Variants in UBE2U observed in about 807,000 individuals in gnomAD.
UBE2U encodes ubiquitin-conjugating enzyme E2 U.
In UBE2U, 39 loss-of-function variants were observed where a neutral mutation model predicts 41.2. The ratio of observed to expected loss-of-function variants is 0.95; its 90% CI spans 0.73 to 1.24. The LOEUF is 1.24. Among genes scored for constraint, UBE2U ranks in the 50% most tolerant of loss-of-function variants. The probability of loss-of-function intolerance (pLI) is 0.00; values close to 1 mark genes in which losing one functional copy is unlikely to be tolerated. For missense variants in UBE2U, 336 were observed against 363.1 expected (o/e 0.93, Z 0.61); for synonymous variants, 107 against 117.8 (o/e 0.91, Z 0.60).
chr1:64,248,825 T>G (rs758657918), intron 8 of UBE2U, among the ~76,000 whole-genome samples: 1 of 152,114 alleles, frequency 6.6e-6, no homozygotes, highest in African/African-American at 2.4e-5. Flanking sequence ...ATCCTAACGG[T>G]TTTTTTAAAC....
intron 6 of UBE2U, among the ~76,000 whole-genome samples, chr1:64,230,494 T>C (rs570357889): frequency 1.8e-4 from 27 of 152,322 alleles, no homozygotes; most frequent in Admixed American, 1.7e-3. Context: ...TGTTCTATAA[T>C]TTCTTCCCCC....
At chr1:64,239,174 A>AGAG (rs1557731347) in intron 7 of UBE2U, among the ~76,000 whole-genome samples, 5 of 94,490 alleles carry the variant, frequency 5.3e-5, no homozygotes, top group Admixed American at 1.1e-4. Context: ...AAGAAGAAGA[A>AGAG]GAAGAAGAAG....
intron 9 of UBE2U, among the ~76,000 whole-genome samples, chr1:64,264,906 C>T (rs925003800): frequency 7.9e-5 from 12 of 151,902 alleles, no homozygotes; most frequent in African/African-American, 1.5e-4. Context: ...GCTGAAAGCA[C>T]GCCACCGCAC....
intron 6 of UBE2U, among the ~76,000 whole-genome samples, chr1:64,226,388 T>C (rs1652867795): frequency 6.6e-6 from 1 of 152,174 alleles, no homozygotes. Flanking sequence ...GAAGGGGCAG[T>C]AGGAAACTTT....
chr1:64,230,947 G>A (rs1045490290), intron 6 of UBE2U, among the ~76,000 whole-genome samples: 2 of 152,042 alleles, frequency 1.3e-5, no homozygotes, highest in Admixed American at 1.3e-4. Context: ...TTTTTATGCT[G>A]CATGTATCCC....
intron 7 of UBE2U, among the ~76,000 whole-genome samples, chr1:64,239,036 C>T (rs1417882804): frequency 7.9e-6 from 1 of 127,004 alleles, no homozygotes; most frequent in East Asian, 2.5e-4. Context: ...AGTGAGACCC[C>T]CATCTCAAAA....
chr1:64,233,169 A>G (rs1218614755), intron 7 of UBE2U, among the ~76,000 whole-genome samples: 2 of 151,790 alleles, frequency 1.3e-5, no homozygotes, highest in African/African-American at 4.8e-5. Flanking sequence ...CACCACGCCC[A>G]GCTAATTTTT....
intron 5 of UBE2U, among the ~76,000 whole-genome samples, chr1:64,219,701 T>G (rs1652292905): frequency 1.3e-5 from 2 of 152,008 alleles, no homozygotes; most frequent in South Asian, 4.1e-4. Context: ...GTTCACGCCA[T>G]TCTCCTGCCT....
Position 64,212,312 on chromosome 1 carries a change from T to A in UBE2U, c.339+1473T>A, listed in dbSNP as rs548837172. Among the ~76,000 whole-genome samples, 3 of 152,286 alleles carry A rather than the reference T, an allele frequency of 2.0e-5. No homozygotes were observed. In the East Asian group the frequency reaches 5.8e-4, roughly 29 times the overall value. On this transcript the variant is annotated intron_variant, in intron 4 of 9. Coordinates refer to ENST00000371077, the MANE Select transcript of UBE2U (RefSeq NM_001366232.2). ...CAAAATGATCCCAAAATGTAATGAG[T>A]AAGGGCAAACCAGAATGAACTGGTG... is the stretch of plus-strand genomic sequence containing the variant.
chr1:64,230,831 C>T (rs1407489145), intron 6 of UBE2U, among the ~76,000 whole-genome samples: 1 of 152,130 alleles, frequency 6.6e-6, no homozygotes, highest in East Asian at 1.9e-4. Flanking sequence ...GGATAACAAA[C>T]TCTAATGTTC....
intron 5 of UBE2U, among the ~76,000 whole-genome samples, chr1:64,217,240 G>A (rs1163911290): frequency 6.6e-6 from 1 of 152,140 alleles, no homozygotes; most frequent in African/African-American, 2.4e-5. Flanking sequence ...CCATTTTTCA[G>A]AGATGTTATC....
chr1:64,234,519 C>CA (rs1381207263), intron 7 of UBE2U, among the ~76,000 whole-genome samples: 4 of 151,920 alleles, frequency 2.6e-5, no homozygotes, highest in Non-Finnish European at 5.9e-5. Context: ...CAAATGAGGG[C>CA]AAAAAATAGT....
chr1:64,217,768 G>A (rs1407552882), intron 5 of UBE2U, among the ~76,000 whole-genome samples: 1 of 152,084 alleles, frequency 6.6e-6, no homozygotes, highest in Non-Finnish European at 1.5e-5. Flanking sequence ...TTGACATTGA[G>A]TCATAATACT....
At chr1:64,262,400 C>G (rs909062159) in intron 9 of UBE2U, among the ~76,000 whole-genome samples, 3 of 152,194 alleles carry the variant, frequency 2.0e-5, no homozygotes, top group Admixed American at 6.5e-5. Flanking sequence ...CTTAAGGTCT[C>G]AGAAAGCTGC....
chr1:64,206,123 A>G (rs372679315), intron 2 of UBE2U, among the ~76,000 whole-genome samples: 20 of 152,242 alleles, frequency 1.3e-4, no homozygotes, highest in African/African-American at 4.8e-4. Context: ...TTTCCCCCAA[A>G]TTTTCATAAA....
rs1370270700 is a variant in UBE2U at position 64,260,710 on chromosome 1, C to T, written c.769+16C>T. 6.5e-7 allele frequency: 1 copy of T among 1,537,504 alleles called. No individual in the cohort carries two copies. Among genetic ancestry groups the T allele is most frequent in the South Asian group, 1.2e-5 (1 of 82,156 alleles). On this transcript the variant is annotated intron_variant, in intron 9 of 9. Transcript: ENST00000371077. ...CCAACTCTAAGTAAATCGATTCACTCTATTTGTTTTGCTTTTATAAATAAC... is the reference window on the plus strand; with the variant it reads ...CCAACTCTAAGTAAATCGATTCACTTTATTTGTTTTGCTTTTATAAATAAC...
intron 8 of UBE2U, among the ~76,000 whole-genome samples, chr1:64,250,138 G>T (rs994315368): frequency 6.6e-6 from 1 of 152,096 alleles, no homozygotes; most frequent in Non-Finnish European, 1.5e-5. Context: ...GTGCTTGAAA[G>T]AAATTATTAA....
At chr1:64,255,342 G>C (rs971420347) in intron 8 of UBE2U, among the ~76,000 whole-genome samples, 3 of 151,988 alleles carry the variant, frequency 2.0e-5, no homozygotes, top group African/African-American at 7.2e-5. Flanking sequence ...CAGAGGTACA[G>C]AGAAGAGCTG....
intron 8 of UBE2U, among the ~76,000 whole-genome samples, chr1:64,259,297 C>G (rs949192090): frequency 1.3e-5 from 2 of 152,130 alleles, no homozygotes; most frequent in African/African-American, 2.4e-5. Context: ...ATGGTAGTTT[C>G]TTTTGCTGTG....
Sources: gnomAD v4.1 joint callset for allele counts (sites outside exome capture counted in the v4.1 genomes callset) on GRCh38, gnomAD v4.1.1 for gene constraint, MANE v1.5 for transcripts, NCBI Gene and HGNC (gene_info 2026-07-23, HGNC 2026-07-21) for gene names.